DPP6: variants seen among roughly 807,000 people sequenced by gnomAD.
DPP6 encodes the protein A-type potassium channel modulatory protein DPP6.
In DPP6, 69 loss-of-function variants were observed where a neutral mutation model predicts 122.6. The observed-to-expected ratio is 0.56, with a 90% CI of 0.46 to 0.69. DPP6 has a LOEUF of 0.69. DPP6 is among the 30% of genes least tolerant of loss of function. The pLI is 0.00. For missense variants in DPP6, 928 were observed against 1,116.9 expected (o/e 0.83, Z 2.41); for synonymous variants, 418 against 433.1 (o/e 0.97, Z 0.43).
At chr7:154,642,604 A>G (rs900881382) in intron 6 of DPP6, among the ~76,000 whole-genome samples, 1 of 143,084 alleles carries the variant, frequency 7.0e-6, no homozygotes, top group Non-Finnish European at 1.5e-5. Context: ...AACAAAACAA[A>G]ACAAAAAAAT....
At chr7:154,575,441 GGTGTGTGT>G (rs1831556459) in intron 5 of DPP6, among the ~76,000 whole-genome samples, 28 of 37,952 alleles carry the variant, frequency 7.4e-4, no homozygotes, top group South Asian at 8.8e-4. Flanking sequence ...GTATGTGTGT[GGTGTGTGT>G]ATGTGTGTGN....
intron 1 of DPP6, among the ~76,000 whole-genome samples, chr7:154,406,743 A>G (rs557728266): frequency 3.3e-5 from 5 of 152,334 alleles, no homozygotes; most frequent in Non-Finnish European, 7.3e-5. Flanking sequence ...GACTGAGTCA[A>G]AAACCCTGGA....
At chr7:153,761,038 G>A in the DPP6 span, among the ~76,000 whole-genome samples, 49 of 152,174 alleles carry the variant, frequency 3.2e-4, no homozygotes, top group African/African-American at 1.0e-3. Flanking sequence ...TCCATCATCC[G>A]CTTTAGTCTG....
rs113786088 is a variant in DPP6, at chr7:154,780,980, A to G, written c.1136+8038A>G. ...AATGGATGGGTGGATGAATAGATGGATGGTTGATGGATGAGTGAATGGATG... is the reference window on the plus strand; with the variant it reads ...AATGGATGGGTGGATGAATAGATGGGTGGTTGATGGATGAGTGAATGGATG... On this transcript the variant is annotated intron_variant, in intron 10 of 25. Transcript: ENST00000377770. 2.6e-3 allele frequency among the ~76,000 whole-genome samples: 400 copies of G among 152,068 alleles called. 2 individuals are homozygous for G. The highest frequency in any genetic ancestry group is 0.017 in the Middle Eastern group (5 of 294).
At chr7:154,124,196 A>C (rs923894295) in intron 1 of DPP6, among the ~76,000 whole-genome samples, 7 of 152,218 alleles carry the variant, frequency 4.6e-5, no homozygotes, top group African/African-American at 1.4e-4. Flanking sequence ...AGTCTTTGCT[A>C]TCATCATGAA....
intron 7 of DPP6, among the ~76,000 whole-genome samples, chr7:154,698,239 C>T (rs761741576): frequency 6.6e-6 from 1 of 152,148 alleles, no homozygotes; most frequent in Non-Finnish European, 1.5e-5. Flanking sequence ...CATAGTATTT[C>T]ATTGAGTCGA....
the DPP6 span, among the ~76,000 whole-genome samples, chr7:153,864,153 C>T: frequency 9.9e-5 from 15 of 152,238 alleles, no homozygotes; most frequent in East Asian, 7.7e-4. Context: ...TTTTGAGGAA[C>T]GCCAGACTGT....
chr7:154,235,158 G>A (rs1473175215), intron 1 of DPP6, among the ~76,000 whole-genome samples: 2 of 152,184 alleles, frequency 1.3e-5, no homozygotes, highest in African/African-American at 2.4e-5. Context: ...GAAGGAAACT[G>A]TGCCCCTTAG....
intron 1 of DPP6, among the ~76,000 whole-genome samples, chr7:154,024,131 G>C (rs182439890): frequency 6.6e-6 from 1 of 152,096 alleles, no homozygotes; most frequent in African/African-American, 2.4e-5. Flanking sequence ...AAGAGGTGTG[G>C]GCGAGAAGGA....
intron 1 of DPP6, among the ~76,000 whole-genome samples, chr7:154,258,049 C>T (rs189185315): frequency 6.2e-4 from 94 of 151,548 alleles, no homozygotes; most frequent in African/African-American, 2.2e-3. Context: ...AAGCCAAAGG[C>T]ACCACTAGAA....
chr7:154,412,105 C>T (rs554449834), intron 1 of DPP6, among the ~76,000 whole-genome samples: 199 of 152,256 alleles, frequency 1.3e-3, no homozygotes, highest in Admixed American at 3.1e-3. Flanking sequence ...GGTGAGAGAG[C>T]TCTGTGGGGT....
chr7:154,876,009 C>T lies in DPP6; in HGVS notation c.1987C>T (p.Arg663Cys), dbSNP rs1443134542. The T allele has an allele frequency of 5.6e-6, 9 of 1,613,210 alleles. No individual in the cohort carries two copies. The highest frequency in any genetic ancestry group is 1.1e-5 in the South Asian group (1 of 91,018). ...CGCGGTGGTGGTAAAGTGTGACGGC[C>T]GTGGCAGCGGCTTCCAAGGGACCAA... is the stretch of plus-strand genomic sequence containing the variant. ...HGAVVVKCDG[R>C]GSGFQGTKLL... The change falls in exon 20 of 26, where the codon CGT becomes TGT. Residue 663 changes from arginine to cysteine, a missense_variant. By Grantham distance (180) the Arg-to-Cys change is radical. Transcript: ENST00000377770.
At chr7:153,956,871 A>G (rs1802485125) in intron 1 of DPP6, among the ~76,000 whole-genome samples, 2 of 152,192 alleles carry the variant, frequency 1.3e-5, no homozygotes, top group Non-Finnish European at 2.9e-5. Context: ...TGGAAGGGTC[A>G]TTATCTGGAA....
rs1003127566 is a variant in DPP6 at position 154,869,920 on chromosome 7, G to A, written c.1813+1827G>A. The stretch of plus-strand genomic sequence containing the variant: ...CTTAAAATACCCTGAAGGTGACCAC[G>A]CCAGGGAAGGGGGCATGAACGAAAT... On this transcript the variant is annotated intron_variant, in intron 18 of 25. Coordinates refer to ENST00000377770, the MANE Select transcript of DPP6 (RefSeq NM_130797.4). Among the ~76,000 whole-genome samples, 5 of 134,540 alleles carry A rather than the reference G, an allele frequency of 3.7e-5. No homozygotes were observed. The East Asian group carries it at 1.2e-3, about 32-fold the overall frequency. The allele number at this position is 134,540 out of a possible 152,430, so 88.3% of individuals were successfully genotyped here.
chr7:154,387,873 G>GT (rs1284062014), intron 1 of DPP6, among the ~76,000 whole-genome samples: 1 of 152,056 alleles, frequency 6.6e-6, no homozygotes, highest in East Asian at 1.9e-4. Flanking sequence ...TATTTTTTCT[G>GT]TTTCTTGTTT....
intron 1 of DPP6, among the ~76,000 whole-genome samples, chr7:154,147,509 T>G (rs901105111): frequency 1.3e-5 from 2 of 151,066 alleles, no homozygotes; most frequent in Non-Finnish European, 2.9e-5. Flanking sequence ...TCTGTCGGAG[T>G]CTTACTCTCG....
intron 15 of DPP6, 123 bp from the exon 16 acceptor site, chr7:154,806,871 G>T: frequency 3.8e-6 from 5 of 1,302,124 alleles, no homozygotes; most frequent in Non-Finnish European, 5.2e-6. Context: ...GGAGAGGCCC[G>T]GGGGGTCTGT....
At chr7:154,252,846 A>G (rs1017759386) in intron 1 of DPP6, among the ~76,000 whole-genome samples, 3 of 152,250 alleles carry the variant, frequency 2.0e-5, no homozygotes, top group Non-Finnish European at 4.4e-5. Context: ...CTGTCCCTAG[A>G]CATAACTATA....
At chr7:154,163,809 GGGC>G (rs1797098502) in intron 1 of DPP6, among the ~76,000 whole-genome samples, 1 of 152,166 alleles carries the variant, frequency 6.6e-6, no homozygotes, top group Non-Finnish European at 1.5e-5. Context: ...GGAAGCACCT[GGGC>G]CACTACTGTG....
Sources: allele counts gnomAD v4.1 joint callset (sites outside exome capture counted in the v4.1 genomes callset), GRCh38; gene constraint gnomAD v4.1.1; transcripts MANE v1.5; gene names NCBI Gene and HGNC (gene_info 2026-07-23, HGNC 2026-07-21).